Variants in FGF14 observed in about 807,000 individuals in gnomAD.
The protein encoded by FGF14 is fibroblast growth factor homologous factor 4.
In FGF14, 5 loss-of-function variants were observed where a neutral mutation model predicts 25.5. The ratio of observed to expected loss-of-function variants is 0.20; its 90% confidence interval spans 0.10 to 0.41. The LOEUF (loss-of-function observed/expected upper bound fraction) is 0.41, where lower values mean the gene tolerates loss of function less well. FGF14 is among the 10% of genes least tolerant of loss of function. The probability of loss-of-function intolerance (pLI) is 1.00; values close to 1 mark genes in which losing one functional copy is unlikely to be tolerated. For missense variants in FGF14, 222 were observed against 320.1 expected, an observed-to-expected ratio of 0.69 and a Z score of 2.34; for synonymous variants, 138 against 118.3, an observed-to-expected ratio of 1.17 and a Z score of -1.08.
At chr13:102,325,130 T>C (rs1310526820) in intron 1 of FGF14, among the ~76,000 whole-genome samples, 1 of 151,874 alleles carries the variant, frequency 6.6e-6, no homozygotes, top group African/African-American at 2.4e-5. Context: ...AAATAAAAGA[T>C]GGGACCAGAC....
chr13:102,364,515 A>G (rs2139058224), intron 1 of FGF14, among the ~76,000 whole-genome samples: 1 of 152,318 alleles, frequency 6.6e-6, no homozygotes, highest in Middle Eastern at 3.4e-3. Context: ...TTCATGCTTA[A>G]GAGTATTTCC....
chr13:102,263,218 A>C lies in FGF14; in HGVS notation c.208+138253T>G, dbSNP rs1227818009. The C allele has an allele frequency of 5.9e-6, 3 of 505,372 alleles. No homozygotes were observed. In the Admixed American group the frequency reaches 7.7e-5, roughly 13 times the overall value. The allele number at this position is 505,372 out of a possible 1,614,324, so 31.3% of individuals were successfully genotyped here. A position where few individuals can be genotyped will look rare whatever the true frequency, so the allele number is the denominator to read the frequency against. The stretch of plus-strand genomic sequence containing the variant: ...TGTGAGAAGACATGGCGAGAAGCGC[A>C]GTCAAGCACACACCACGATGGCAGA... On this transcript the variant is annotated intron_variant, in intron 1 of 4. Coordinates refer to the FGF14 transcript ENST00000376131.
intron 1 of FGF14, among the ~76,000 whole-genome samples, chr13:102,271,994 T>A (rs1360598256): frequency 6.6e-6 from 1 of 152,108 alleles, no homozygotes; most frequent in Admixed American, 6.6e-5. Flanking sequence ...GATCTGTCTC[T>A]CCTCTGCAAT....
chr13:102,344,060 A>G (rs1348352399), intron 1 of FGF14, among the ~76,000 whole-genome samples: 1 of 152,220 alleles, frequency 6.6e-6, no homozygotes, highest in African/African-American at 2.4e-5. Flanking sequence ...AAAGTTATTA[A>G]GTTAGCAGCA....
chr13:102,112,159 G>A (rs1184269907), intron 1 of FGF14, among the ~76,000 whole-genome samples: 1 of 152,162 alleles, frequency 6.6e-6, no homozygotes, highest in Non-Finnish European at 1.5e-5. Flanking sequence ...AACTCTGAGC[G>A]AGGTATTATT....
At position 102,202,821 on chromosome 13, in the gene FGF14, C is replaced by T. The variant is rs79507526; in HGVS notation, c.208+198650G>A. 9.4e-3 allele frequency among the ~76,000 whole-genome samples: 1,427 copies of T among 152,156 alleles called. 20 individuals carry two copies. The highest frequency in any genetic ancestry group is 0.032 in the African/African-American group (1,310 of 41,508). Reference sequence around the variant, plus strand: ...CTGAGTTCCATGGCATTATTCTGACCACCAGCAAGAAAAGGGCTCAGACTT... The same window carrying T: ...CTGAGTTCCATGGCATTATTCTGACTACCAGCAAGAAAAGGGCTCAGACTT... On this transcript the variant is annotated intron_variant, in intron 1 of 4. Transcript: ENST00000376131.
intron 3 of FGF14, among the ~76,000 whole-genome samples, chr13:101,837,287 G>A (rs997392728): frequency 2.5e-4 from 38 of 151,906 alleles, no homozygotes; most frequent in African/African-American, 8.5e-4. Flanking sequence ...TTATCTGTCC[G>A]ATTTGCCACT....
intron 1 of FGF14, among the ~76,000 whole-genome samples, chr13:102,023,495 G>T (rs2139882138): frequency 6.6e-6 from 1 of 152,018 alleles, no homozygotes; most frequent in Non-Finnish European, 1.5e-5. Flanking sequence ...ACAATTTAGT[G>T]TTCTTTAGTA....
rs144294381 is a variant in FGF14 at position 102,121,989 on chromosome 13, C to T, written c.209-246693G>A. 4.6e-5 allele frequency among the ~76,000 whole-genome samples: 7 copies of T among 152,124 alleles called. No individual in the cohort carries two copies. The East Asian group carries it at 5.8e-4, about 13-fold the overall frequency. ...TAGGTTTCAATGGAATGAAATCAAA[C>T]GTAAATTGACAAAGACAAAATAAGA... On this transcript the variant is annotated intron_variant, in intron 1 of 4. Transcript: ENST00000376131.
intron 1 of FGF14, among the ~76,000 whole-genome samples, chr13:102,021,228 G>A (rs530882632): frequency 6.6e-6 from 1 of 152,168 alleles, no homozygotes; most frequent in South Asian, 2.1e-4. Context: ...GATAAAGGAA[G>A]AGCATAAGAT....
At chr13:102,119,690 A>G (rs1241835247) in intron 1 of FGF14, among the ~76,000 whole-genome samples, 1 of 152,188 alleles carries the variant, frequency 6.6e-6, no homozygotes, top group Non-Finnish European at 1.5e-5. Context: ...TATGTTATAT[A>G]TGTATGTATG....
intron 1 of FGF14, among the ~76,000 whole-genome samples, chr13:102,009,710 T>A (rs895604447): frequency 6.6e-6 from 1 of 152,150 alleles, no homozygotes; most frequent in African/African-American, 2.4e-5. Flanking sequence ...TAACATTTCA[T>A]TGTGTTACTA....
rs1393347127 is a variant in FGF14 at position 101,722,014 on chromosome 13, G to GAT, written c.*815_*816dup. On this transcript the variant is annotated 3_prime_UTR_variant, in exon 5 of 5. Transcript: ENST00000376143. ...ATGTTACCATTACCAGTAAGCTTGT[G>GAT]ATATGTATAAAACACACACACACAA... The GAT allele has an allele frequency of 2.0e-5, 3 of 152,142 alleles. No individual in the cohort carries two copies. The highest frequency in any genetic ancestry group is 3.4e-3 in the Middle Eastern group (1 of 294). The allele number at this position is 152,142 out of a possible 1,614,324, so 9.4% of individuals were successfully genotyped here. A position where few individuals can be genotyped will look rare whatever the true frequency, so the allele number is the denominator to read the frequency against.
intron 3 of FGF14, among the ~76,000 whole-genome samples, chr13:101,809,815 A>G (rs2041396739): frequency 6.6e-6 from 1 of 152,182 alleles, no homozygotes; most frequent in African/African-American, 2.4e-5. Flanking sequence ...CCAGCTATCC[A>G]ATAAATTAAT....
At chr13:102,092,060 G>A (rs1176765236) in intron 1 of FGF14, among the ~76,000 whole-genome samples, 1 of 152,204 alleles carries the variant, frequency 6.6e-6, no homozygotes, top group Non-Finnish European at 1.5e-5. Flanking sequence ...ATGTGGGGAT[G>A]ACACATTGGT....
intron 1 of FGF14, among the ~76,000 whole-genome samples, chr13:102,321,481 C>G (rs2056242435): frequency 6.6e-6 from 1 of 152,060 alleles, no homozygotes; most frequent in South Asian, 2.1e-4. Flanking sequence ...ATTATAAACA[C>G]AAATTTTCAT....
At chr13:101,758,250 A>G (rs2037785823) in intron 3 of FGF14, among the ~76,000 whole-genome samples, 1 of 152,224 alleles carries the variant, frequency 6.6e-6, no homozygotes, top group Non-Finnish European at 1.5e-5. Context: ...TGTTTTATTC[A>G]GACAAGGAAA....
chr13:101,856,999 A>T (rs1229199677), intron 3 of FGF14, among the ~76,000 whole-genome samples: 1 of 152,020 alleles, frequency 6.6e-6, no homozygotes, highest in African/African-American at 2.4e-5. Context: ...AGATGTTTAC[A>T]TTAACGGGGA....
chr13:102,101,635 G>A (rs1260475841), intron 1 of FGF14, among the ~76,000 whole-genome samples: 2 of 152,134 alleles, frequency 1.3e-5, no homozygotes, highest in African/African-American at 4.8e-5. Flanking sequence ...AACTTGTAGA[G>A]AAGAGTCAGG....
Sources: allele counts gnomAD v4.1 joint callset (sites outside exome capture counted in the v4.1 genomes callset), GRCh38; gene constraint gnomAD v4.1.1; transcripts MANE v1.5; gene names NCBI Gene and HGNC (gene_info 2026-07-23, HGNC 2026-07-21).